Variants in PLXDC2 observed in about 807,000 individuals in gnomAD.
The protein encoded by PLXDC2 is plexin domain-containing protein 2.
A neutral mutation model predicts 68.9 loss-of-function variants in PLXDC2; 40 were observed. The observed-to-expected ratio is 0.58, with a 90% CI of 0.45 to 0.76. PLXDC2 has a LOEUF of 0.76. PLXDC2 is among the 30% of genes least tolerant of loss of function. The probability of loss-of-function intolerance (pLI) is 0.00; values close to 1 mark genes in which losing one functional copy is unlikely to be tolerated. For missense variants in PLXDC2, 644 were observed against 661.9 expected (o/e 0.97, Z 0.30); for synonymous variants, 243 against 234.2 (o/e 1.04, Z -0.34).
chr10:19,985,996 T>A (rs1167419641), intron 1 of PLXDC2, among the ~76,000 whole-genome samples: 1 of 152,198 alleles, frequency 6.6e-6, no homozygotes, highest in African/African-American at 2.4e-5. Context: ...AGGCTAATTC[T>A]TGCTGGCACC....
chr10:19,996,154 G>C (rs1049604905), intron 1 of PLXDC2, among the ~76,000 whole-genome samples: 3 of 152,134 alleles, frequency 2.0e-5, no homozygotes, highest in Admixed American at 1.3e-4. Flanking sequence ...CATAAGACTA[G>C]ATAGGGCTGG....
intron 5 of PLXDC2, among the ~76,000 whole-genome samples, chr10:20,144,169 T>C (rs529659815): frequency 6.6e-6 from 1 of 152,274 alleles, no homozygotes; most frequent in East Asian, 1.9e-4. Context: ...TGATTAAATA[T>C]AGAATTTTCT....
Position 19,960,156 on chromosome 10 carries a change from G to A in PLXDC2, c.113-41619G>A, listed in dbSNP as rs559722035. On this transcript the variant is annotated intron_variant, in intron 1 of 13. Transcript: ENST00000377252. ...AAGGATTGCTTGAGCCTCAAAGTTT[G>A]ATACCAGACTGGCAACATATCTAGA... Among the ~76,000 whole-genome samples the A allele has an allele frequency of 8.5e-4, 109 of 128,026 alleles. 1 individual carries two copies. In the South Asian group the frequency reaches 0.027, roughly 32 times the overall value. 84.0% of individuals were successfully genotyped at this position (128,026 alleles called of 152,430 possible).
intron 1 of PLXDC2, among the ~76,000 whole-genome samples, chr10:19,858,781 G>C (rs1488556582): frequency 6.6e-6 from 1 of 152,124 alleles, no homozygotes. Flanking sequence ...AAGTCATTAG[G>C]AAGGTAAGAG....
intron 7 of PLXDC2, among the ~76,000 whole-genome samples, chr10:20,172,505 T>C (rs1462904880): frequency 6.6e-6 from 1 of 152,184 alleles, no homozygotes; most frequent in Non-Finnish European, 1.5e-5. Flanking sequence ...CTTTTATTGA[T>C]GCATAATACT....
rs143085190 is a variant in PLXDC2 at position 19,939,636 on chromosome 10, C to T, written c.113-62139C>T. Among the ~76,000 whole-genome samples the T allele has an allele frequency of 6.2e-4, 94 of 152,212 alleles. 1 individual carries two copies. In the East Asian group the frequency reaches 0.016, roughly 26 times the overall value. On this transcript the variant is annotated intron_variant, in intron 1 of 13. Coordinates refer to ENST00000377252, the MANE Select transcript of PLXDC2 (RefSeq NM_032812.9). ...GATTTAAAAGGGCTGAAAATTTTTCCCTCTTCCTTTTTCTCCCTTTGGAAA... is the reference window on the plus strand; with the variant it reads ...GATTTAAAAGGGCTGAAAATTTTTCTCTCTTCCTTTTTCTCCCTTTGGAAA...
chr10:20,217,520 T>A lies in PLXDC2; in HGVS notation c.1217T>A (p.Leu406Gln), dbSNP rs753827678. 9 of 1,600,540 alleles carry A rather than the reference T, an allele frequency of 5.6e-6. No individual in the cohort carries two copies. The South Asian group carries it at 9.9e-5, about 18-fold the overall frequency. ...VGATTTQFRVLTTTRRAVTSQ... is the reference protein window; with the variant it reads ...VGATTTQFRVQTTTRRAVTSQ... Reference sequence around the variant, plus strand: ...GCGACAACCACCCAGTTCAGGGTCCTAACTACCACCAGAAGAGCAGTGACT... The same window carrying A: ...GCGACAACCACCCAGTTCAGGGTCCAAACTACCACCAGAAGAGCAGTGACT... Residue 406 changes from leucine to glutamine, a missense_variant, in exon 11 of 14, where the codon CTA becomes CAA. Leu to Gln is a moderately radical substitution (Grantham distance 113, BLOSUM62 -2). Around this residue, in one of 3 missense-constraint regions of PLXDC2, gnomAD observed 330 missense variants for 327.9 expected, o/e 1.01. Transcript: ENST00000377252.
chr10:20,267,314 T>C (rs1835884453), intron 13 of PLXDC2, among the ~76,000 whole-genome samples: 1 of 152,174 alleles, frequency 6.6e-6, no homozygotes. Flanking sequence ...CTATCCTCTT[T>C]CTTATTTTAT....
At chr10:19,899,989 C>T (rs990329938) in intron 1 of PLXDC2, among the ~76,000 whole-genome samples, 12 of 152,158 alleles carry the variant, frequency 7.9e-5, no homozygotes, top group Admixed American at 7.9e-4. Context: ...AGATACATCA[C>T]AAATGAGAAA....
intron 12 of PLXDC2, among the ~76,000 whole-genome samples, chr10:20,228,563 A>C (rs1835316109): frequency 6.6e-6 from 1 of 150,942 alleles, no homozygotes; most frequent in African/African-American, 2.4e-5. Flanking sequence ...TCAAAAAAAA[A>C]TTAAAAAATA....
At chr10:19,963,005 A>T (rs997775537) in intron 1 of PLXDC2, among the ~76,000 whole-genome samples, 2 of 151,824 alleles carry the variant, frequency 1.3e-5, no homozygotes, top group East Asian at 3.9e-4. Flanking sequence ...AAAAAAAAAA[A>T]AAAAAGTTTA....
In PLXDC2 at chr10:20,217,413, TTTCTC is replaced by T; in HGVS notation, c.1123-10_1123-6del. 7.5e-6 allele frequency: 12 copies of T among 1,600,342 alleles called. No homozygotes were observed. The highest frequency in any genetic ancestry group is 1.0e-5 in the Non-Finnish European group (12 of 1,173,418). ...ATCACTCCATTTGTTTTCCTTTTCT[TTTCTC>T]TTACTAGTCAAAAGAGAAGATGTGT... On this transcript the variant is annotated splice_polypyrimidine_tract_variant and splice_region_variant and intron_variant, in intron 10 of 13. Coordinates refer to ENST00000377252, the MANE Select transcript of PLXDC2 (RefSeq NM_032812.9).
At chr10:20,033,055 G>A (rs1008851290) in intron 2 of PLXDC2, among the ~76,000 whole-genome samples, 1 of 140,566 alleles carries the variant, frequency 7.1e-6, no homozygotes, top group African/African-American at 2.5e-5. Context: ...AGGGGGAAGG[G>A]ATAGCATTAG....
At chr10:19,945,127 G>A (rs996357454) in intron 1 of PLXDC2, among the ~76,000 whole-genome samples, 5 of 152,196 alleles carry the variant, frequency 3.3e-5, no homozygotes, top group African/African-American at 1.2e-4. Flanking sequence ...AGTTCATTAT[G>A]TATGAAGAAA....
intron 7 of PLXDC2, among the ~76,000 whole-genome samples, chr10:20,164,792 G>A (rs1200925247): frequency 1.3e-5 from 2 of 152,134 alleles, no homozygotes; most frequent in Non-Finnish European, 2.9e-5. Context: ...CCAAAAATGT[G>A]TAATTTTGGA....
intron 1 of PLXDC2, among the ~76,000 whole-genome samples, chr10:19,820,490 C>T (rs1000407270): frequency 7.2e-5 from 11 of 151,748 alleles, no homozygotes; most frequent in Non-Finnish European, 1.2e-4. Context: ...AAAAATTAGC[C>T]GGGCGCGGTG....
intron 9 of PLXDC2, among the ~76,000 whole-genome samples, chr10:20,200,796 C>T (rs1272943068): frequency 1.3e-5 from 2 of 151,998 alleles, no homozygotes; most frequent in Non-Finnish European, 2.9e-5. Flanking sequence ...CATTAATCAT[C>T]AAGGAAATGC....
chr10:20,058,881 A>G (rs898917088), intron 3 of PLXDC2, among the ~76,000 whole-genome samples: 2 of 152,178 alleles, frequency 1.3e-5, no homozygotes, highest in African/African-American at 4.8e-5. Context: ...AAGTGAGATT[A>G]TGTTTTCCAG....
intron 6 of PLXDC2, among the ~76,000 whole-genome samples, chr10:20,157,097 C>A (rs961699914): frequency 6.6e-6 from 1 of 152,130 alleles, no homozygotes; most frequent in African/African-American, 2.4e-5. Context: ...GAGATCATGA[C>A]TCTTAAAAAT....
Sources: allele counts gnomAD v4.1 joint callset (sites outside exome capture counted in the v4.1 genomes callset), GRCh38; gene constraint gnomAD v4.1.1; regional missense constraint gnomAD v4.1.1; transcripts MANE v1.5; gene names NCBI Gene and HGNC (gene_info 2026-07-23, HGNC 2026-07-21).